TMEM163: variants seen among roughly 807,000 people sequenced by gnomAD.
TMEM163 encodes the protein transmembrane protein 163.
Under a neutral mutation model 29.3 loss-of-function variants are expected in TMEM163, and 17 were observed. The ratio of observed to expected loss-of-function variants is 0.58; its 90% CI spans 0.40 to 0.87. TMEM163 has a LOEUF of 0.87. Among genes scored for constraint, TMEM163 ranks in the 40% least tolerant of loss-of-function variants. The pLI is 0.00. For missense variants in TMEM163, 303 were observed against 381.5 expected (o/e 0.79, Z 1.71); for synonymous variants, 157 against 160.6 (o/e 0.98, Z 0.17).
At chr2:134,571,794 A>G (rs943373516) in intron 2 of TMEM163, among the ~76,000 whole-genome samples, 2 of 152,200 alleles carry the variant, frequency 1.3e-5, no homozygotes, top group African/African-American at 2.4e-5. Flanking sequence ...AGTGTTGTGT[A>G]CCAGGGAAGC....
chr2:134,606,664 C>G (rs889358985), intron 2 of TMEM163, among the ~76,000 whole-genome samples: 3 of 152,166 alleles, frequency 2.0e-5, no homozygotes, highest in African/African-American at 7.2e-5. Flanking sequence ...ACTGGCAGAG[C>G]ACAGGGCTGT....
chr2:134,611,829 G>T (rs1682509981), intron 2 of TMEM163, among the ~76,000 whole-genome samples: 1 of 152,192 alleles, frequency 6.6e-6, no homozygotes, highest in South Asian at 2.1e-4. Flanking sequence ...AGGCAGTGAA[G>T]AGGTGAGCCT....
chr2:134,708,909 G>A (rs1045850800), intron 2 of TMEM163, among the ~76,000 whole-genome samples: 1 of 152,164 alleles, frequency 6.6e-6, no homozygotes, highest in Non-Finnish European at 1.5e-5. Context: ...TTTTGAGTGA[G>A]CTTTTTCTGA....
intron 2 of TMEM163, among the ~76,000 whole-genome samples, chr2:134,598,104 G>T (rs1045406572): frequency 6.6e-6 from 1 of 152,058 alleles, no homozygotes; most frequent in Non-Finnish European, 1.5e-5. Context: ...TTGTGTGTCT[G>T]TCTCCTTCAG....
intron 4 of TMEM163, among the ~76,000 whole-genome samples, chr2:134,533,453 G>T (rs1201864443): frequency 1.3e-5 from 2 of 152,198 alleles, no homozygotes. Context: ...ACTGTTCACT[G>T]TGATGATCTT....
At chr2:134,698,543 C>T (rs938983887) in intron 2 of TMEM163, among the ~76,000 whole-genome samples, 1 of 152,022 alleles carries the variant, frequency 6.6e-6, no homozygotes, top group African/African-American at 2.4e-5. Context: ...TTTCTCATAT[C>T]TTTTTCTCTT....
intron 4 of TMEM163, among the ~76,000 whole-genome samples, chr2:134,525,081 A>G (rs1680264826): frequency 6.6e-6 from 1 of 152,146 alleles, no homozygotes. Flanking sequence ...GTCAGGTGGT[A>G]TTTCATTGTG....
chr2:134,494,119 C>A (rs1224335707), intron 5 of TMEM163, among the ~76,000 whole-genome samples: 2 of 152,176 alleles, frequency 1.3e-5, no homozygotes, highest in Non-Finnish European at 2.9e-5. Flanking sequence ...CATTCTCTCT[C>A]CCTTCCGTCT....
At chr2:134,547,105 G>T (rs1282275764) in intron 4 of TMEM163, among the ~76,000 whole-genome samples, 3 of 152,086 alleles carry the variant, frequency 2.0e-5, no homozygotes, top group Non-Finnish European at 1.5e-5. Context: ...AGTTCTGGAG[G>T]TCTGTTTCAC....
chr2:134,680,067 G>A (rs992046456), intron 2 of TMEM163, among the ~76,000 whole-genome samples: 2 of 152,224 alleles, frequency 1.3e-5, no homozygotes, highest in Admixed American at 1.3e-4. Context: ...ATGGCTCTGG[G>A]CCAGGTGGCA....
rs1023714927 is a variant in TMEM163 at position 134,553,853 on chromosome 2, T to C, written c.323-1762A>G. On this transcript the variant is annotated intron_variant, in intron 2 of 7. Transcript: ENST00000281924. ...AACTCACCAGCCATGCCAGCCATGC[T>C]GACGTGTGCAAAAAAAGCAGCTGAT... 1.6e-4 allele frequency among the ~76,000 whole-genome samples: 25 copies of C among 152,200 alleles called. 1 individual carries two copies. Among genetic ancestry groups the C allele is most frequent in the African/African-American group, 6.0e-4 (25 of 41,464 alleles).
intron 5 of TMEM163, among the ~76,000 whole-genome samples, chr2:134,480,508 A>T (rs1687027334): frequency 6.6e-6 from 1 of 152,228 alleles, no homozygotes; most frequent in African/African-American, 2.4e-5. Context: ...ATTAGCCACA[A>T]TTAAGTGCTC....
chr2:134,539,393 G>A (rs931576666), intron 4 of TMEM163, among the ~76,000 whole-genome samples: 5 of 152,188 alleles, frequency 3.3e-5, no homozygotes, highest in African/African-American at 1.2e-4. Context: ...CCTTCATAAG[G>A]GAGGTAAACG....
chr2:134,466,038 C>T, intron 6 of TMEM163, 76 bp downstream of exon 6: 1 of 1,089,004 alleles, frequency 9.2e-7, no homozygotes, highest in Non-Finnish European at 1.4e-6. Context: ...AGGGAAACAA[C>T]TAAAAGAGAC....
chr2:134,508,085 C>T (rs113227827), intron 4 of TMEM163, among the ~76,000 whole-genome samples: 5,447 of 152,294 alleles, frequency 0.036, 367 homozygotes, highest in African/African-American at 0.13. Flanking sequence ...GACAGACACT[C>T]ATACACAAAA....
At chr2:134,482,148 C>A (rs1374374936) in intron 5 of TMEM163, among the ~76,000 whole-genome samples, 2 of 152,202 alleles carry the variant, frequency 1.3e-5, no homozygotes, top group African/African-American at 4.8e-5. Context: ...TCGCCACCAC[C>A]CCCATTTTCC....
chr2:134,570,460 CTACATATATATA>C lies in TMEM163; in HGVS notation c.323-18381_323-18370del, dbSNP rs1338372750. 3.0e-5 allele frequency among the ~76,000 whole-genome samples: 4 copies of C among 135,408 alleles called. No homozygotes were observed. The East Asian group carries it at 7.0e-4, about 24-fold the overall frequency. 88.8% of individuals were successfully genotyped at this position (135,408 alleles called of 152,430 possible). On this transcript the variant is annotated intron_variant, in intron 2 of 7. Transcript: ENST00000281924. ...AGCCCCCACAGATAAGGGGGTACTA[CTACATATATATA>C]TACATATACATATACATATACATAT...
chr2:134,491,932 A>G (rs868459627), intron 5 of TMEM163, among the ~76,000 whole-genome samples: 4 of 152,180 alleles, frequency 2.6e-5, no homozygotes, highest in Admixed American at 6.5e-5. Flanking sequence ...ATCCTACTGT[A>G]AGCAGGAGAT....
chr2:134,603,389 A>T (rs1682277467), intron 2 of TMEM163, among the ~76,000 whole-genome samples: 2 of 152,216 alleles, frequency 1.3e-5, no homozygotes, highest in Admixed American at 1.3e-4. Flanking sequence ...AATTTTATGG[A>T]AGTAATTTAA....
Sources: gnomAD v4.1 joint callset for allele counts (sites outside exome capture counted in the v4.1 genomes callset) on GRCh38, gnomAD v4.1.1 for gene constraint, MANE v1.5 for transcripts, NCBI Gene and HGNC (gene_info 2026-07-23, HGNC 2026-07-21) for gene names.